The following ATG7 variants were observed in gnomAD, a reference collection of about 807,000 sequenced individuals.
ATG7 encodes autophagy related 7.
ATG7 carries 70 observed loss-of-function variants against 82.4 expected under a neutral mutation model. That is an observed-to-expected ratio of 0.85 (90% CI 0.70 to 1.04). The LOEUF is 1.04. Ranked by LOEUF, ATG7 falls within the 50% of genes least tolerant of loss-of-function variation. The pLI is 0.00. For missense variants in ATG7, 792 were observed against 864.3 expected (o/e 0.92, Z 1.05); for synonymous variants, 287 against 313.0 (o/e 0.92, Z 0.88).
At chr3:11,330,352 A>C (rs1338862837) in intron 9 of ATG7, among the ~76,000 whole-genome samples, 3 of 152,146 alleles carry the variant, frequency 2.0e-5, no homozygotes, top group Non-Finnish European at 2.9e-5. Flanking sequence ...TCCATTCTTT[A>C]TTTATATCAG....
chr3:11,563,300 C>G, the ATG7 span, among the ~76,000 whole-genome samples: 26 of 152,346 alleles, frequency 1.7e-4, no homozygotes, highest in South Asian at 5.4e-3. Flanking sequence ...GGCCAGAGAG[C>G]CAGGTTCTGC....
chr3:11,378,206 G>A (rs1398865364), intron 18 of ATG7, among the ~76,000 whole-genome samples: 1 of 149,632 alleles, frequency 6.7e-6, no homozygotes, highest in Non-Finnish European at 1.5e-5. Flanking sequence ...AGCAGAGGTG[G>A]GGGTTTTGCC....
intron 19 of ATG7, among the ~76,000 whole-genome samples, chr3:11,412,166 A>G (rs1221842048): frequency 2.0e-5 from 3 of 152,120 alleles, no homozygotes; most frequent in Admixed American, 6.5e-5. Flanking sequence ...TTTATATAGC[A>G]GGGAGGAAAC....
the ATG7 span, among the ~76,000 whole-genome samples, chr3:11,573,296 AAAGAAAGAAAGGAAGG>A: frequency 6.3e-3 from 71 of 11,324 alleles, 5 homozygotes; most frequent in East Asian, 0.029. Context: ...AGAAAGAAAG[AAAGAAAGAAAGGAAGG>A]AAGGAAGAAA....
chr3:11,541,983 A>G (rs1013354486), intron 20 of ATG7, among the ~76,000 whole-genome samples: 1 of 152,244 alleles, frequency 6.6e-6, no homozygotes, highest in African/African-American at 2.4e-5. Context: ...CTTACCATCT[A>G]ATTTTAAAAA....
At chr3:11,340,065 G>C (rs918349953) in intron 11 of ATG7, among the ~76,000 whole-genome samples, 13 of 152,260 alleles carry the variant, frequency 8.5e-5, no homozygotes, top group Non-Finnish European at 7.4e-5. Context: ...AGAGGGCTGC[G>C]GGGAAGGGAG....
intron 9 of ATG7, among the ~76,000 whole-genome samples, chr3:11,326,036 T>C (rs1950828790): frequency 6.6e-6 from 1 of 152,212 alleles, no homozygotes; most frequent in Admixed American, 6.5e-5. Flanking sequence ...TCTATGATTC[T>C]GGAGCCTGAA....
At chr3:11,529,319 A>G (rs1364054395) in intron 20 of ATG7, among the ~76,000 whole-genome samples, 1 of 152,222 alleles carries the variant, frequency 6.6e-6, no homozygotes, top group South Asian at 2.1e-4. Flanking sequence ...GAAAAATCCA[A>G]TAACATTTAG....
At chr3:11,553,614 C>T (rs2072055445) in intron 20 of ATG7, among the ~76,000 whole-genome samples, 1 of 152,158 alleles carries the variant, frequency 6.6e-6, no homozygotes, top group Non-Finnish European at 1.5e-5. Flanking sequence ...GATAGGGACA[C>T]CTGGTCACTG....
chr3:11,466,240 C>T (rs1432048995), intron 20 of ATG7, among the ~76,000 whole-genome samples: 4 of 152,168 alleles, frequency 2.6e-5, no homozygotes, highest in Non-Finnish European at 5.9e-5. Context: ...TTGCCAGGGG[C>T]TTGAAGGATT....
At chr3:11,558,501 T>C, downstream of ATG7, 4 of 1,503,906 alleles carry the variant, frequency 2.7e-6, no homozygotes, top group Admixed American at 5.3e-5. Context: ...GTACTGACTG[T>C]TCAAAGCTCA....
intron 14 of ATG7, among the ~76,000 whole-genome samples, chr3:11,350,917 C>A (rs568032530): frequency 1.1e-4 from 14 of 127,182 alleles, no homozygotes; most frequent in African/African-American, 4.2e-4. Flanking sequence ...AGTTGAGACC[C>A]TAGCCCAAAA....
chr3:11,325,135 G>C (rs1030700629), intron 9 of ATG7, among the ~76,000 whole-genome samples: 4 of 152,188 alleles, frequency 2.6e-5, no homozygotes, highest in African/African-American at 9.7e-5. Context: ...GTGTGGTGTA[G>C]TAGGCTATAC....
the ATG7 span, among the ~76,000 whole-genome samples, chr3:11,563,162 G>A: frequency 6.6e-6 from 1 of 150,392 alleles, no homozygotes; most frequent in South Asian, 2.2e-4. Context: ...GAGATAGCTT[G>A]TAAGGCTCAC....
chr3:11,427,779 C>T (rs2082498973), intron 20 of ATG7, among the ~76,000 whole-genome samples: 2 of 149,876 alleles, frequency 1.3e-5, no homozygotes, highest in African/African-American at 4.9e-5. Context: ...TGTGCCACTG[C>T]ACTCCAGTCC....
intron 19 of ATG7, among the ~76,000 whole-genome samples, chr3:11,417,624 C>G (rs571723085): frequency 1.3e-5 from 2 of 151,746 alleles, no homozygotes; most frequent in South Asian, 4.2e-4. Context: ...TTATAATAAT[C>G]TGCCTTTTAA....
chr3:11,351,758 A>C (rs935603285), intron 14 of ATG7, among the ~76,000 whole-genome samples: 1 of 152,208 alleles, frequency 6.6e-6, no homozygotes, highest in African/African-American at 2.4e-5. Flanking sequence ...GGTGTAATTC[A>C]TCACGTTCAT....
intron 18 of ATG7, among the ~76,000 whole-genome samples, chr3:11,375,023 G>A (rs1387498286): frequency 2.1e-5 from 3 of 140,154 alleles, no homozygotes; most frequent in East Asian, 2.1e-4. Flanking sequence ...GCAACACAGC[G>A]AGACCTCATC....
intron 14 of ATG7, among the ~76,000 whole-genome samples, chr3:11,354,538 A>G (rs1034619469): frequency 6.7e-6 from 1 of 150,236 alleles, no homozygotes; most frequent in African/African-American, 2.4e-5. Flanking sequence ...ACTCTCAGCT[A>G]CTTGGGAGGC....
Sources: gnomAD v4.1 joint callset for allele counts (sites outside exome capture counted in the v4.1 genomes callset) on GRCh38, gnomAD v4.1.1 for gene constraint, MANE v1.5 for transcripts, NCBI Gene and HGNC (gene_info 2026-07-23, HGNC 2026-07-21) for gene names.